ATE1: variants seen among roughly 807,000 people sequenced by gnomAD.
The protein encoded by ATE1 is arginyltransferase 1, also known as arginyl-tRNA--protein transferase 1.
Under a neutral mutation model 70.5 loss-of-function variants are expected in ATE1, and 36 were observed. That is an observed-to-expected ratio of 0.51 (90% confidence interval 0.39 to 0.67). The LOEUF is 0.67. Ranked by LOEUF, ATE1 falls within the 30% of genes least tolerant of loss-of-function variation. ATE1 has a pLI of 0.00. For missense variants in ATE1, 593 were observed against 629.5 expected (o/e 0.94, Z 0.62); for synonymous variants, 232 against 219.3 (o/e 1.06, Z -0.51).
At chr10:121,852,760 G>A (rs953516900) in intron 8 of ATE1, among the ~76,000 whole-genome samples, 2 of 152,102 alleles carry the variant, frequency 1.3e-5, no homozygotes, top group Non-Finnish European at 2.9e-5. Context: ...AGCCACTGTG[G>A]CTTCATTTCT....
chr10:121,876,858 C>T (rs918299004), intron 7 of ATE1, among the ~76,000 whole-genome samples: 9 of 151,162 alleles, frequency 6.0e-5, no homozygotes, highest in African/African-American at 1.7e-4. Context: ...CCCAGCTACT[C>T]GGGAGGCTGA....
At chr10:121,907,901 A>G (rs771960651) in intron 5 of ATE1, among the ~76,000 whole-genome samples, 1 of 152,158 alleles carries the variant, frequency 6.6e-6, no homozygotes, top group Non-Finnish European at 1.5e-5. Context: ...AATAATGTGC[A>G]CTCCTAATCT....
At chr10:121,893,479 ATAAC>A (rs1198480430) in intron 7 of ATE1, among the ~76,000 whole-genome samples, 5 of 152,148 alleles carry the variant, frequency 3.3e-5, no homozygotes, top group African/African-American at 9.7e-5. Flanking sequence ...GAAATTATAA[ATAAC>A]TAATTGTTCT....
intron 7 of ATE1, among the ~76,000 whole-genome samples, chr10:121,883,531 G>C (rs1045512777): frequency 6.6e-6 from 1 of 152,106 alleles, no homozygotes; most frequent in African/African-American, 2.4e-5. Flanking sequence ...ACTGAAATAC[G>C]ACAAGAGCAG....
At chr10:121,863,358 A>G (rs1459943183) in intron 8 of ATE1, among the ~76,000 whole-genome samples, 1 of 148,138 alleles carries the variant, frequency 6.8e-6, no homozygotes, top group Admixed American at 6.9e-5. Context: ...GGTTCAAGCG[A>G]TTCTCCTGCC....
intron 5 of ATE1, among the ~76,000 whole-genome samples, chr10:121,908,609 A>T (rs74158468): frequency 0.068 from 10,381 of 152,254 alleles, 1,095 homozygotes; most frequent in African/African-American, 0.23. Flanking sequence ...GAAACGAAGA[A>T]ATGATAGAGT....
Position 121,783,252 on chromosome 10 carries a change from T to A in ATE1, c.1378+6917A>T, listed in dbSNP as rs369362151. Among the ~76,000 whole-genome samples, 157 of 152,300 alleles carry A rather than the reference T, an allele frequency of 1.0e-3. 1 individual carries two copies. The highest frequency in any genetic ancestry group is 3.6e-3 in the African/African-American group (149 of 41,556). ...TTATCACTAGTCAATAGTGGTAATC[T>A]TATTTTTTAGATAAAATATCTAAAC... On this transcript the variant is annotated intron_variant, in intron 11 of 11. Coordinates refer to ENST00000224652, the MANE Select transcript of ATE1 (RefSeq NM_001001976.3).
chr10:121,747,348 G>A lies in ATE1; in HGVS notation c.1379-3490C>T, dbSNP rs1028426638. Among the ~76,000 whole-genome samples, 42 of 152,312 alleles carry A rather than the reference G, an allele frequency of 2.8e-4. 1 individual carries two copies. The highest frequency in any genetic ancestry group is 5.6e-4 in the Non-Finnish European group (38 of 68,020). On this transcript the variant is annotated intron_variant, in intron 11 of 11. Coordinates refer to ENST00000224652, the MANE Select transcript of ATE1 (RefSeq NM_001001976.3). ...TCCACCTGTTCTGCTCTGTATTGCA[G>A]GAGGCTGGCTCCTGCAGGCTCAGCT... is the stretch of plus-strand genomic sequence containing the variant.
At chr10:121,827,580 A>C (rs1948076240) in intron 10 of ATE1, among the ~76,000 whole-genome samples, 1 of 152,252 alleles carries the variant, frequency 6.6e-6, no homozygotes, top group African/African-American at 2.4e-5. Context: ...CCGAACTGAT[A>C]CTGAGCTACA....
At chr10:121,888,814 C>T (rs1950490115) in intron 7 of ATE1, among the ~76,000 whole-genome samples, 1 of 152,114 alleles carries the variant, frequency 6.6e-6, no homozygotes, top group Non-Finnish European at 1.5e-5. Flanking sequence ...TAACAGTCTA[C>T]TACAACAGGC....
chr10:121,905,552 G>A (rs1270722552), intron 5 of ATE1, among the ~76,000 whole-genome samples: 1 of 152,082 alleles, frequency 6.6e-6, no homozygotes, highest in Non-Finnish European at 1.5e-5. Context: ...GTGGAAAGTA[G>A]GATTTCAGGC....
chr10:121,855,482 CGAT>C (rs1280956592), intron 8 of ATE1, among the ~76,000 whole-genome samples: 1 of 152,126 alleles, frequency 6.6e-6, no homozygotes, highest in Non-Finnish European at 1.5e-5. Context: ...AGATCTGAAA[CGAT>C]GAGTTTCTGT....
Position 121,859,536 on chromosome 10 carries a change from G to C in ATE1, c.975+10470C>G, listed in dbSNP as rs567666740. Reference sequence around the variant, plus strand: ...CTCCCAAAGTGCTGGGATTACAGGCGTGAGCCACAAGTTATTATTTTATTA... The same window carrying C: ...CTCCCAAAGTGCTGGGATTACAGGCCTGAGCCACAAGTTATTATTTTATTA... On this transcript the variant is annotated intron_variant, in intron 8 of 11. Transcript: ENST00000224652. Among the ~76,000 whole-genome samples, 5 of 152,278 alleles carry C rather than the reference G, an allele frequency of 3.3e-5. No homozygotes were observed. In the East Asian group the frequency reaches 9.7e-4, roughly 29 times the overall value.
chr10:121,886,559 G>A (rs1440664787), intron 7 of ATE1, among the ~76,000 whole-genome samples: 2 of 152,080 alleles, frequency 1.3e-5, no homozygotes, highest in African/African-American at 4.8e-5. Flanking sequence ...ACAGCTCCCC[G>A]CCACCTGAAC....
chr10:121,791,030 G>A (rs1386483268), intron 10 of ATE1, among the ~76,000 whole-genome samples: 3 of 148,322 alleles, frequency 2.0e-5, no homozygotes, highest in African/African-American at 5.0e-5. Context: ...GTGTATATAT[G>A]TATATATGTG....
rs143703218 is a variant in ATE1, at chr10:121,745,855, A to G, written c.1379-1997T>C. ...AAACAGCCTGAATGTCCATCGATGG[A>G]GAACTGGGTAAAGAGTTAAGGTATA... is the stretch of plus-strand genomic sequence containing the variant. On this transcript the variant is annotated intron_variant, in intron 11 of 11. Coordinates refer to ENST00000224652, the MANE Select transcript of ATE1 (RefSeq NM_001001976.3). 4.7e-3 allele frequency among the ~76,000 whole-genome samples: 723 copies of G among 152,338 alleles called. 8 individuals are homozygous for G. The highest frequency in any genetic ancestry group is 0.037 in the Middle Eastern group (11 of 294).
intron 5 of ATE1, 148 bp from the exon 6 acceptor site, chr10:121,902,768 A>G (rs1951032843): frequency 2.6e-6 from 2 of 770,998 alleles, no homozygotes; most frequent in Admixed American, 3.1e-5. Flanking sequence ...CCTGATACAG[A>G]GCTGTAAGTG....
intron 10 of ATE1, among the ~76,000 whole-genome samples, chr10:121,826,438 T>A (rs563064378): frequency 6.6e-6 from 1 of 152,254 alleles, no homozygotes; most frequent in East Asian, 1.9e-4. Context: ...CCCAAGTAGC[T>A]GGAACTAGAG....
At chr10:121,857,751 A>G (rs761397688) in intron 8 of ATE1, among the ~76,000 whole-genome samples, 1 of 152,218 alleles carries the variant, frequency 6.6e-6, no homozygotes, top group Non-Finnish European at 1.5e-5. Context: ...CATCAAGTAC[A>G]TTCACATTAT....
Sources: gnomAD v4.1 joint callset for allele counts (sites outside exome capture counted in the v4.1 genomes callset) on GRCh38, gnomAD v4.1.1 for gene constraint, MANE v1.5 for transcripts, NCBI Gene and HGNC (gene_info 2026-07-23, HGNC 2026-07-21) for gene names.